TENM4: variants seen among roughly 807,000 people sequenced by gnomAD.
TENM4 encodes the protein teneurin transmembrane protein 4.
TENM4 carries 82 observed loss-of-function variants against 243.3 expected under a neutral mutation model. The observed-to-expected ratio is 0.34, with a 90% CI of 0.28 to 0.40. The LOEUF is 0.40. Among genes scored for constraint, TENM4 ranks in the 10% least tolerant of loss-of-function variants. The probability of loss-of-function intolerance (pLI) is 1.00; values close to 1 mark genes in which losing one functional copy is unlikely to be tolerated. For missense variants in TENM4, 3,138 were observed against 3,673.3 expected (o/e 0.85, Z 3.77); for synonymous variants, 1,412 against 1,456.3 (o/e 0.97, Z 0.69).
chr11:79,229,226 G>A (rs1864331003), intron 2 of TENM4, among the ~76,000 whole-genome samples: 1 of 152,210 alleles, frequency 6.6e-6, no homozygotes, highest in African/African-American at 2.4e-5. Context: ...CAAAAGCTCA[G>A]GGAGCAGCCT....
intron 6 of TENM4, among the ~76,000 whole-genome samples, chr11:78,956,210 G>A (rs1857204315): frequency 6.6e-6 from 1 of 152,150 alleles, no homozygotes; most frequent in South Asian, 2.1e-4. Context: ...CCTGGAGATA[G>A]TGTACACAAG....
chr11:78,742,209 G>C (rs1855946854), intron 19 of TENM4, among the ~76,000 whole-genome samples: 1 of 152,136 alleles, frequency 6.6e-6, no homozygotes, highest in African/African-American at 2.4e-5. Flanking sequence ...GGATAAGCAC[G>C]GGATGCTGCT....
At chr11:79,163,116 A>G (rs1257867721) in intron 3 of TENM4, among the ~76,000 whole-genome samples, 5 of 152,104 alleles carry the variant, frequency 3.3e-5, no homozygotes, top group Non-Finnish European at 4.4e-5. Flanking sequence ...CCCACATACC[A>G]GTTCATTGGG....
chr11:78,925,304 C>G (rs1252543240), intron 6 of TENM4, among the ~76,000 whole-genome samples: 2 of 148,672 alleles, frequency 1.3e-5, no homozygotes, highest in South Asian at 2.1e-4. Flanking sequence ...GCTATTTTTA[C>G]TTAAAAAAAA....
intron 1 of TENM4, among the ~76,000 whole-genome samples, chr11:79,335,112 A>G (rs1461318821): frequency 6.6e-6 from 1 of 152,128 alleles, no homozygotes; most frequent in Non-Finnish European, 1.5e-5. Context: ...TTACAATCCT[A>G]TTTCCTTTTC....
intron 15 of TENM4, among the ~76,000 whole-genome samples, chr11:78,793,402 G>A (rs78531468): frequency 0.015 from 2,291 of 152,258 alleles, 54 homozygotes; most frequent in African/African-American, 0.053. Context: ...CCTTTCATAA[G>A]TCTGCATTTA....
intron 3 of TENM4, among the ~76,000 whole-genome samples, chr11:79,167,277 C>A (rs183609139): frequency 6.6e-6 from 1 of 152,258 alleles, no homozygotes; most frequent in Admixed American, 6.5e-5. Context: ...AGAACAATGG[C>A]CTGGTCTTTG....
chr11:79,246,155 T>C (rs1273888816), intron 2 of TENM4, among the ~76,000 whole-genome samples: 1 of 152,100 alleles, frequency 6.6e-6, no homozygotes, highest in African/African-American at 2.4e-5. Context: ...TATAGAGTGC[T>C]CAATAAGTGT....
chr11:78,866,702 G>A (rs960258194), intron 9 of TENM4, among the ~76,000 whole-genome samples: 2 of 152,188 alleles, frequency 1.3e-5, no homozygotes, highest in African/African-American at 2.4e-5. Flanking sequence ...AATAGTCTCC[G>A]TGGCCTGTGG....
At chr11:79,039,243 G>A (rs1053168966) in intron 6 of TENM4, among the ~76,000 whole-genome samples, 1 of 152,202 alleles carries the variant, frequency 6.6e-6, no homozygotes, top group Admixed American at 6.5e-5. Context: ...CAGCATCTGT[G>A]CCTGGTGCTC....
intron 3 of TENM4, among the ~76,000 whole-genome samples, chr11:79,165,543 G>C (rs191778221): frequency 2.6e-5 from 4 of 152,120 alleles, no homozygotes; most frequent in Non-Finnish European, 5.9e-5. Context: ...CTGAGTATTA[G>C]TCCTTTGTAG....
chr11:79,136,169 C>T (rs912149968), intron 4 of TENM4, among the ~76,000 whole-genome samples: 1 of 151,976 alleles, frequency 6.6e-6, no homozygotes, highest in Non-Finnish European at 1.5e-5. Context: ...ACTAGCTGTA[C>T]CCCAATAACT....
intron 25 of TENM4, among the ~76,000 whole-genome samples, chr11:78,714,245 T>C (rs1859469642): frequency 6.6e-6 from 1 of 152,214 alleles, no homozygotes; most frequent in Non-Finnish European, 1.5e-5. Context: ...AGATTTGTGT[T>C]TTTTGAATTC....
intron 4 of TENM4, among the ~76,000 whole-genome samples, chr11:79,125,972 C>T (rs577201034): frequency 2.7e-4 from 41 of 152,148 alleles, no homozygotes; most frequent in African/African-American, 7.0e-4. Flanking sequence ...GGCATGGGAA[C>T]GGATATTAAG....
chr11:78,812,024 C>G, intron 14 of TENM4, 98 bp downstream of exon 14: 1 of 1,437,416 alleles, frequency 7.0e-7, no homozygotes, highest in Non-Finnish European at 9.3e-7. Context: ...CACAAAATGG[C>G]TCAGGAGGCT....
chr11:78,677,231 C>T (rs1483920598), intron 29 of TENM4, among the ~76,000 whole-genome samples: 2 of 149,262 alleles, frequency 1.3e-5, no homozygotes, highest in African/African-American at 2.5e-5. Flanking sequence ...AGTAGGATTA[C>T]TAGAGAAAAG....
intron 20 of TENM4, among the ~76,000 whole-genome samples, chr11:78,736,475 T>TGC (rs1481703754): frequency 4.9e-4 from 64 of 131,642 alleles, no homozygotes; most frequent in African/African-American, 1.9e-3. Flanking sequence ...TGTGTGTGTG[T>TGC]GTGTGCGCGC....
At chr11:79,068,078 C>T (rs1860310504) in intron 5 of TENM4, 2 of 152,224 alleles carry the variant, frequency 1.3e-5, no homozygotes, top group African/African-American at 4.8e-5. Flanking sequence ...TCCAAGCCAA[C>T]CGGGGCTCAC....
At chr11:78,674,616 T>G (rs1353178972) in intron 30 of TENM4, among the ~76,000 whole-genome samples, 1 of 152,134 alleles carries the variant, frequency 6.6e-6, no homozygotes, top group Non-Finnish European at 1.5e-5. Flanking sequence ...AGGTCAAACT[T>G]CCCATTGAGG....
Sources: gnomAD v4.1 joint callset for allele counts (sites outside exome capture counted in the v4.1 genomes callset) on GRCh38, gnomAD v4.1.1 for gene constraint, MANE v1.5 for transcripts, NCBI Gene and HGNC (gene_info 2026-07-23, HGNC 2026-07-21) for gene names.